Variants in POM121 observed in about 807,000 individuals in gnomAD.
POM121 encodes nuclear envelope pore membrane protein POM 121.
A neutral mutation model predicts 81.3 loss-of-function variants in POM121; 32 were observed. The observed-to-expected ratio is 0.39, with a 90% CI of 0.30 to 0.53. The LOEUF is 0.53. POM121 is among the 20% of genes least tolerant of loss of function. The pLI is 0.66. For synonymous variants in POM121, 514 were observed against 694.2 expected (o/e 0.74, Z 4.08); for missense variants, 1,138 against 1,614.6 (o/e 0.70, Z 5.06).
chr7:72,892,393 T>A (rs1326354457), intron 3 of POM121, among the ~76,000 whole-genome samples: 2 of 152,196 alleles, frequency 1.3e-5, no homozygotes, highest in Non-Finnish European at 2.9e-5. Flanking sequence ...TCTGTCTACC[T>A]TCCTCACCTC....
chr7:72,889,419 T>C (rs1385727206), intron 1 of POM121, among the ~76,000 whole-genome samples: 1 of 152,246 alleles, frequency 6.6e-6, no homozygotes, highest in African/African-American at 2.4e-5. Context: ...ACTACAAGTT[T>C]GGGCGGGGCA....
intron 3 of POM121, among the ~76,000 whole-genome samples, chr7:72,898,244 A>G (rs1160190814): frequency 2.6e-5 from 4 of 152,094 alleles, no homozygotes; most frequent in Admixed American, 6.6e-5. Flanking sequence ...TTTTTTCTTT[A>G]AAAACAATTT....
chr7:72,937,659 C>T (rs1433310012), intron 5 of POM121, among the ~76,000 whole-genome samples: 3 of 152,184 alleles, frequency 2.0e-5, no homozygotes, highest in African/African-American at 7.2e-5. Flanking sequence ...AAATCACTAG[C>T]AGCTTTTCAA....
At chr7:72,882,224 A>G (rs1554489395) in intron 1 of POM121, among the ~76,000 whole-genome samples, 1 of 152,218 alleles carries the variant, frequency 6.6e-6, no homozygotes, top group Non-Finnish European at 1.5e-5. Context: ...TATCATAGGA[A>G]GCATGGCTGA....
upstream of POM121, among the ~76,000 whole-genome samples, chr7:72,920,909 G>T (rs1232673165): frequency 1.3e-5 from 2 of 152,116 alleles, no homozygotes; most frequent in Non-Finnish European, 2.9e-5. Flanking sequence ...TGGGCACAGT[G>T]GCTCATGCCT....
At chr7:72,908,178 A>C (rs1175169318) in intron 3 of POM121, among the ~76,000 whole-genome samples, 1 of 152,190 alleles carries the variant, frequency 6.6e-6, no homozygotes, top group Non-Finnish European at 1.5e-5. Flanking sequence ...GCCCCTGATA[A>C]TTCAACGTGA....
chr7:72,940,095 C>T, intron 8 of POM121, 127 bp downstream of exon 8: 2 of 1,200,090 alleles, frequency 1.7e-6, no homozygotes, highest in Non-Finnish European at 1.1e-6. Context: ...GAGACAACAT[C>T]CCTCTGTCAC....
chr7:72,902,685 C>T (rs1213229275), intron 3 of POM121, among the ~76,000 whole-genome samples: 1 of 152,022 alleles, frequency 6.6e-6, no homozygotes, highest in Non-Finnish European at 1.5e-5. Flanking sequence ...CATTCTACCA[C>T]ACTTGGCTAA....
downstream of POM121, chr7:72,949,010 A>T: frequency 3.1e-6 from 5 of 1,610,952 alleles, no homozygotes; most frequent in Non-Finnish European, 3.4e-6. Flanking sequence ...AGCGCGTGGC[A>T]CAGGGCTCGC....
chr7:72,911,144 C>T (rs1554494216), intron 3 of POM121, among the ~76,000 whole-genome samples: 1 of 152,200 alleles, frequency 6.6e-6, no homozygotes, highest in Non-Finnish European at 1.5e-5. Context: ...CCACCACGCC[C>T]AGCTCATGTT....
upstream of POM121, among the ~76,000 whole-genome samples, chr7:72,922,635 G>A (rs1194020833): frequency 5.3e-5 from 8 of 151,392 alleles, no homozygotes; most frequent in South Asian, 2.1e-4. Flanking sequence ...AAAGCGATCC[G>A]CCCACCTTGG....
chr7:72,901,985 G>T (rs1194241740), intron 3 of POM121, among the ~76,000 whole-genome samples: 1 of 151,770 alleles, frequency 6.6e-6, no homozygotes, highest in Non-Finnish European at 1.5e-5. Flanking sequence ...GGTGGCGCAT[G>T]CCTGTAATCC....
intron 10 of POM121, 122 bp from the exon 11 acceptor site, chr7:72,941,715 A>G: frequency 2.6e-6 from 3 of 1,162,308 alleles, no homozygotes; most frequent in Non-Finnish European, 3.6e-6. Flanking sequence ...GACTTAGCTG[A>G]GTTTATTGAC....
chr7:72,931,523 A>G (rs1796018309), intron 5 of POM121, among the ~76,000 whole-genome samples: 1 of 151,864 alleles, frequency 6.6e-6, no homozygotes, highest in Admixed American at 6.6e-5. Flanking sequence ...TTTATGTATT[A>G]CACCAAAAAT....
exon 1 of POM121, chr7:72,879,832 G>C (rs1554488996): frequency 2.0e-6 from 1 of 506,852 alleles, no homozygotes; most frequent in African/African-American, 1.9e-5. Context: ...AGCGACAGCA[G>C]CCCGCCCCGG....
chr7:72,899,045 C>T (rs1792296955), intron 3 of POM121, among the ~76,000 whole-genome samples: 2 of 132,770 alleles, frequency 1.5e-5, no homozygotes, highest in South Asian at 5.0e-4. Context: ...TGGAGTTGTG[C>T]CATCTCAGCT....
At chr7:72,899,073 C>T (rs1792298513) in intron 3 of POM121, among the ~76,000 whole-genome samples, 1 of 144,390 alleles carries the variant, frequency 6.9e-6, no homozygotes, top group Admixed American at 7.3e-5. Flanking sequence ...ACTTCTGCCT[C>T]CTCAGTTCAA....
rs1554501669 is a variant in POM121, at chr7:72,942,654, T to A, written c.2661T>A (p.Pro887=). 9.2e-7 allele frequency: 1 copy of A among 1,087,658 alleles called. No homozygotes were observed. Among genetic ancestry groups the A allele is most frequent in the Non-Finnish European group, 1.3e-6 (1 of 794,524 alleles). 67.4% of individuals were successfully genotyped at this position (1,087,658 alleles called of 1,614,324 possible). The change falls in exon 11 of 13, where the codon CCT becomes CCA. Residue 887 remains proline (P), a synonymous_variant. Coordinates refer to ENST00000434423, the MANE Select transcript of POM121 (RefSeq NM_001387691.1). The part of the protein sequence containing the change: ...AMGSIFQFGK[P]PALPTTTTVT... The stretch of plus-strand genomic sequence containing the variant: ...GCTCCATATTCCAGTTTGGCAAACC[T>A]CCTGCCTTGCCCACAACCACCACAG...
At chr7:72,896,891 T>C (rs545220718) in intron 3 of POM121, among the ~76,000 whole-genome samples, 11 of 152,404 alleles carry the variant, frequency 7.2e-5, no homozygotes, top group Non-Finnish European at 1.5e-4. Context: ...CCCTAATAAT[T>C]ATACACTTTA....
Sources: gnomAD v4.1 joint callset for allele counts (sites outside exome capture counted in the v4.1 genomes callset) on GRCh38, gnomAD v4.1.1 for gene constraint, MANE v1.5 for transcripts, NCBI Gene and HGNC (gene_info 2026-07-23, HGNC 2026-07-21) for gene names.